MOB3B: variants seen among roughly 807,000 people sequenced by gnomAD.
MOB3B encodes MOB kinase activator 3B, also known as MOB kinase activator-like 2B.
MOB3B carries 7 observed loss-of-function variants against 18.7 expected under a neutral mutation model. That is an observed-to-expected ratio of 0.37 (90% confidence interval 0.21 to 0.70). The LOEUF (loss-of-function observed/expected upper bound fraction) is 0.70, where lower values mean the gene tolerates loss of function less well. Ranked by LOEUF, MOB3B falls within the 30% of genes least tolerant of loss-of-function variation. The pLI is 0.52. For synonymous variants in MOB3B, 111 were observed against 99.9 expected (o/e 1.11, Z -0.66); for missense variants, 253 against 281.3 (o/e 0.90, Z 0.72).
intron 1 of MOB3B, among the ~76,000 whole-genome samples, chr9:27,497,320 T>C (rs1397982250): frequency 1.3e-5 from 2 of 152,152 alleles, no homozygotes; most frequent in Non-Finnish European, 2.9e-5. Flanking sequence ...ACAACATTGT[T>C]TAATATTTAA....
At chr9:27,480,166 T>C (rs1405932466) in intron 1 of MOB3B, among the ~76,000 whole-genome samples, 2 of 151,960 alleles carry the variant, frequency 1.3e-5, no homozygotes, top group African/African-American at 4.8e-5. Context: ...CTTTTTTTTT[T>C]CTTTGAGACA....
chr9:27,368,510 C>T (rs1563851728), intron 2 of MOB3B, among the ~76,000 whole-genome samples: 1 of 152,182 alleles, frequency 6.6e-6, no homozygotes, highest in Non-Finnish European at 1.5e-5. Flanking sequence ...AAGAAAGTGT[C>T]TGTTCGTCAT....
At chr9:27,405,525 G>A (rs1291756279) in intron 2 of MOB3B, among the ~76,000 whole-genome samples, 1 of 152,082 alleles carries the variant, frequency 6.6e-6, no homozygotes, top group African/African-American at 2.4e-5. Context: ...CTTCCATTCT[G>A]TGGGCTGTCT....
chr9:27,366,895 A>G (rs961700113), intron 2 of MOB3B, among the ~76,000 whole-genome samples: 1 of 152,200 alleles, frequency 6.6e-6, no homozygotes, highest in Non-Finnish European at 1.5e-5. Flanking sequence ...AGTGTCTCCC[A>G]TCATCCGCAG....
chr9:27,525,085 CG>C (rs760947035), intron 1 of MOB3B: 7 of 799,636 alleles, frequency 8.8e-6, no homozygotes, highest in Non-Finnish European at 1.3e-5. Flanking sequence ...CTGGTAGCCT[CG>C]GAACATCAGG....
chr9:27,353,809 G>T (rs536613361), intron 3 of MOB3B, among the ~76,000 whole-genome samples: 4 of 152,152 alleles, frequency 2.6e-5, no homozygotes, highest in Non-Finnish European at 5.9e-5. Flanking sequence ...CGGGCTATTC[G>T]TGCTTGCTAA....
intron 1 of MOB3B, among the ~76,000 whole-genome samples, chr9:27,469,708 A>G (rs1026126334): frequency 7.2e-5 from 11 of 152,228 alleles, no homozygotes; most frequent in African/African-American, 2.7e-4. Context: ...CCTCAACCTC[A>G]GTGCCTGTGT....
rs559806304 is a variant in MOB3B, at chr9:27,416,544, ATT to A, written c.418+38587_418+38588del. Among the ~76,000 whole-genome samples the A allele has an allele frequency of 2.0e-3, 240 of 121,362 alleles. 7 individuals are homozygous for A. Among genetic ancestry groups the A allele is most frequent in the African/African-American group, 6.0e-3 (204 of 33,888 alleles). 79.6% of individuals were successfully genotyped at this position (121,362 alleles called of 152,430 possible). Reference sequence around the variant, plus strand: ...GAACCCCTGGAGTAATTTCTTTTTAATTTTTTTTTTTTTTTTTTTTTTTTTTG... The same window carrying A: ...GAACCCCTGGAGTAATTTCTTTTTAATTTTTTTTTTTTTTTTTTTTTTTTG... On this transcript the variant is annotated intron_variant, in intron 2 of 3. Transcript: ENST00000262244.
intron 1 of MOB3B, among the ~76,000 whole-genome samples, chr9:27,510,641 T>C (rs917869296): frequency 1.3e-5 from 2 of 152,256 alleles, no homozygotes; most frequent in African/African-American, 2.4e-5. Context: ...TTTCTTTAGC[T>C]ACAAAATCTT....
intron 2 of MOB3B, among the ~76,000 whole-genome samples, chr9:27,382,182 T>C (rs944710499): frequency 6.6e-6 from 1 of 152,212 alleles, no homozygotes; most frequent in Non-Finnish European, 1.5e-5. Flanking sequence ...GTAAATGTTA[T>C]TGTTATTATT....
intron 2 of MOB3B, among the ~76,000 whole-genome samples, chr9:27,363,307 G>A (rs909537086): frequency 7.9e-5 from 12 of 152,052 alleles, no homozygotes; most frequent in South Asian, 4.1e-4. Context: ...ATGGAGTCTC[G>A]CACTTTCGCC....
intron 2 of MOB3B, among the ~76,000 whole-genome samples, chr9:27,425,385 A>ACAAAAC (rs1554648744): frequency 6.2e-5 from 9 of 145,160 alleles, no homozygotes; most frequent in African/African-American, 1.8e-4. Flanking sequence ...AAAAAAAAAA[A>ACAAAAC]AAAACAAAAC....
At chr9:27,370,983 C>T (rs986913351) in intron 2 of MOB3B, among the ~76,000 whole-genome samples, 10 of 152,208 alleles carry the variant, frequency 6.6e-5, no homozygotes, top group African/African-American at 2.4e-4. Flanking sequence ...TATCTCTTCA[C>T]ACCTTGCAGA....
intron 2 of MOB3B, chr9:27,378,268 T>A (rs1313069231): frequency 2.2e-6 from 1 of 448,722 alleles, no homozygotes; most frequent in Admixed American, 2.4e-5. Flanking sequence ...TGTGTGTGAC[T>A]GAGAATGAAT....
At chr9:27,424,222 T>G (rs895913176) in intron 2 of MOB3B, among the ~76,000 whole-genome samples, 1 of 152,230 alleles carries the variant, frequency 6.6e-6, no homozygotes, top group Non-Finnish European at 1.5e-5. Context: ...ATTTACTGTT[T>G]CTGTGGCTTC....
chr9:27,437,036 G>A (rs1451657924), intron 2 of MOB3B, among the ~76,000 whole-genome samples: 1 of 151,836 alleles, frequency 6.6e-6, no homozygotes, highest in African/African-American at 2.4e-5. Flanking sequence ...GTTTTGAGAA[G>A]CATAAAAAAG....
At chr9:27,366,274 C>T (rs1343134238) in intron 2 of MOB3B, among the ~76,000 whole-genome samples, 3 of 152,184 alleles carry the variant, frequency 2.0e-5, no homozygotes, top group East Asian at 1.9e-4. Flanking sequence ...GAGTATGAAA[C>T]GTAATAATTT....
chr9:27,351,712 G>A (rs1821107436), intron 3 of MOB3B, among the ~76,000 whole-genome samples: 1 of 152,188 alleles, frequency 6.6e-6, no homozygotes, highest in Non-Finnish European at 1.5e-5. Context: ...TCTTTTCACA[G>A]TCCTGACTTG....
chr9:27,375,599 T>G (rs1821478266), intron 2 of MOB3B, among the ~76,000 whole-genome samples: 1 of 152,192 alleles, frequency 6.6e-6, no homozygotes, highest in African/African-American at 2.4e-5. Flanking sequence ...AGAAGCACTG[T>G]GGAGGAGTGT....
Sources: allele counts gnomAD v4.1 joint callset (sites outside exome capture counted in the v4.1 genomes callset), GRCh38; gene constraint gnomAD v4.1.1; transcripts MANE v1.5; gene names NCBI Gene and HGNC (gene_info 2026-07-23, HGNC 2026-07-21).